Variants in HSD17B3 observed in about 807,000 individuals in gnomAD.
HSD17B3 encodes hydroxysteroid 17-beta dehydrogenase 3.
In HSD17B3, 29 loss-of-function variants were observed where a neutral mutation model predicts 41.1. That is an observed-to-expected ratio of 0.71 (90% CI 0.53 to 0.96). The LOEUF is 0.96. HSD17B3 is among the 40% of genes least tolerant of loss of function. The pLI, the probability that HSD17B3 is intolerant of heterozygous loss-of-function variation, is 0.00. For synonymous variants in HSD17B3, 126 were observed against 145.6 expected (o/e 0.87, Z 0.97); for missense variants, 323 against 374.6 (o/e 0.86, Z 1.14).
intron 9 of HSD17B3, among the ~76,000 whole-genome samples, chr9:96,241,144 C>T (rs1346669439): frequency 6.6e-6 from 1 of 152,152 alleles, no homozygotes; most frequent in African/African-American, 2.4e-5. Context: ...CCCTGCCCAA[C>T]ACACAGTGTG....
At chr9:96,299,267 C>T (rs1827482652) in intron 1 of HSD17B3, among the ~76,000 whole-genome samples, 2 of 152,222 alleles carry the variant, frequency 1.3e-5, no homozygotes, top group Admixed American at 6.5e-5. Context: ...ACAAAAGGTA[C>T]ATTTAGCTCA....
At chr9:96,281,541 C>T (rs905924892) in intron 2 of HSD17B3, among the ~76,000 whole-genome samples, 1 of 152,120 alleles carries the variant, frequency 6.6e-6, no homozygotes, top group East Asian at 1.9e-4. Flanking sequence ...GGGTTAAAGT[C>T]CCCTCTCAGA....
intron 2 of HSD17B3, among the ~76,000 whole-genome samples, chr9:96,271,862 A>T (rs1354450477): frequency 2.0e-5 from 3 of 152,092 alleles, no homozygotes; most frequent in Admixed American, 6.6e-5. Context: ...TTCTGAAAGG[A>T]ATCCCAAGAC....
At chr9:96,277,200 CAA>C (rs59202692) in intron 2 of HSD17B3, among the ~76,000 whole-genome samples, 1 of 139,110 alleles carries the variant, frequency 7.2e-6, no homozygotes. Context: ...GACTCCAGCT[CAA>C]AAAAAAAAGA....
At chr9:96,265,929 A>C (rs1826030009) in intron 2 of HSD17B3, among the ~76,000 whole-genome samples, 1 of 152,230 alleles carries the variant, frequency 6.6e-6, no homozygotes, top group Admixed American at 6.5e-5. Flanking sequence ...ATCTGATCTA[A>C]GGGCCATGTC....
intron 1 of HSD17B3, among the ~76,000 whole-genome samples, chr9:96,300,242 A>ACACACG (rs1554705298): frequency 8.6e-5 from 13 of 151,544 alleles, no homozygotes; most frequent in African/African-American, 3.2e-4. Flanking sequence ...ACACACACAC[A>ACACACG]CACACACACA....
intron 2 of HSD17B3, among the ~76,000 whole-genome samples, chr9:96,259,231 G>C (rs1025939559): frequency 6.6e-6 from 1 of 152,234 alleles, no homozygotes; most frequent in African/African-American, 2.4e-5. Context: ...CTACGGAAGA[G>C]AGAGTAGGCA....
At chr9:96,256,769 C>T (rs570719881) in intron 2 of HSD17B3, among the ~76,000 whole-genome samples, 51 of 151,982 alleles carry the variant, frequency 3.4e-4, no homozygotes, top group Non-Finnish European at 6.9e-4. Context: ...TTCACTATGG[C>T]CCACGGTCTC....
intron 4 of HSD17B3, among the ~76,000 whole-genome samples, chr9:96,252,031 G>A (rs944207919): frequency 7.2e-5 from 11 of 152,120 alleles, no homozygotes; most frequent in Middle Eastern, 3.4e-3. Flanking sequence ...CTGTGCACGC[G>A]GCCGTAAAGT....
intron 6 of HSD17B3, among the ~76,000 whole-genome samples, chr9:96,246,801 G>A (rs1836683913): frequency 6.6e-6 from 1 of 152,164 alleles, no homozygotes; most frequent in Middle Eastern, 3.2e-3. Flanking sequence ...ACAAATGACA[G>A]GCTGCTCTGG....
intron 2 of HSD17B3, among the ~76,000 whole-genome samples, chr9:96,255,363 A>ATT (rs1825595207): frequency 2.2e-5 from 1 of 46,348 alleles, no homozygotes; most frequent in African/African-American, 6.5e-5. Flanking sequence ...CTGCCCCAAC[A>ATT]TTTCTTTTTT....
chr9:96,241,691 T>C (rs1380907234), intron 9 of HSD17B3, among the ~76,000 whole-genome samples: 1 of 152,000 alleles, frequency 6.6e-6, no homozygotes, highest in Non-Finnish European at 1.5e-5. Flanking sequence ...TCCCAGCATG[T>C]TGGGAGGCCA....
At chr9:96,279,441 C>T (rs1339507004) in intron 2 of HSD17B3, among the ~76,000 whole-genome samples, 1 of 152,250 alleles carries the variant, frequency 6.6e-6, no homozygotes, top group East Asian at 1.9e-4. Context: ...CACCTGGAAT[C>T]AAGAGAAGGG....
At chr9:96,285,827 G>A (rs566834410) in intron 2 of HSD17B3, among the ~76,000 whole-genome samples, 1 of 152,220 alleles carries the variant, frequency 6.6e-6, no homozygotes, top group East Asian at 1.9e-4. Context: ...TACAGAAGAT[G>A]GATTTTCATC....
At chr9:96,290,266 C>A (rs888642650) in intron 2 of HSD17B3, among the ~76,000 whole-genome samples, 1 of 151,896 alleles carries the variant, frequency 6.6e-6, no homozygotes, top group Non-Finnish European at 1.5e-5. Context: ...AACGCAGATT[C>A]GGTTAAATGC....
intron 2 of HSD17B3, among the ~76,000 whole-genome samples, chr9:96,272,403 CTCTATATATATATA>C (rs1168219125): frequency 3.6e-5 from 1 of 28,146 alleles, no homozygotes; most frequent in Admixed American, 3.8e-4. Context: ...CTCTCTCTCT[CTCTATATATATATA>C]TATATATATA....
chr9:96,284,693 T>C (rs1826838035), intron 2 of HSD17B3, among the ~76,000 whole-genome samples: 1 of 152,114 alleles, frequency 6.6e-6, no homozygotes, highest in African/African-American at 2.4e-5. Context: ...TTCTAACAGG[T>C]CCAGAAGCCC....
At chr9:96,248,783 CTTTCTCTAAAT>C (rs752868558) in intron 6 of HSD17B3, among the ~76,000 whole-genome samples, 2 of 152,190 alleles carry the variant, frequency 1.3e-5, no homozygotes, top group African/African-American at 2.4e-5. Flanking sequence ...TAAACAGTAC[CTTTCTCTAAAT>C]TGTCTACATA....
chr9:96,263,330 A>G (rs1361372902), intron 2 of HSD17B3, among the ~76,000 whole-genome samples: 1 of 152,084 alleles, frequency 6.6e-6, no homozygotes, highest in Non-Finnish European at 1.5e-5. Context: ...ACTCTTCAAC[A>G]CAAAGCCTAC....
Sources: allele counts gnomAD v4.1 joint callset (sites outside exome capture counted in the v4.1 genomes callset), GRCh38; gene constraint gnomAD v4.1.1; transcripts MANE v1.5; gene names NCBI Gene and HGNC (gene_info 2026-07-23, HGNC 2026-07-21).